The following DLC1 variants were observed in gnomAD, a reference collection of about 807,000 sequenced individuals.
The protein encoded by DLC1 is rho GTPase-activating protein 7.
DLC1 carries 54 observed loss-of-function variants against 140.3 expected under a neutral mutation model. The observed-to-expected ratio is 0.38, with a 90% CI of 0.31 to 0.48. The LOEUF (loss-of-function observed/expected upper bound fraction) is 0.48. DLC1 is among the 20% of genes least tolerant of loss of function. The pLI is 0.96. For synonymous variants in DLC1, 986 were observed against 728.1 expected (o/e 1.35, Z -5.70); for missense variants, 2,536 against 1,907.0 (o/e 1.33, Z -6.14).
At chr8:13,473,381 G>A (rs1215567496) in intron 2 of DLC1, among the ~76,000 whole-genome samples, 1 of 152,090 alleles carries the variant, frequency 6.6e-6, no homozygotes, top group South Asian at 2.1e-4. Flanking sequence ...TTTTAAAAAC[G>A]GGGGTTTCCC....
intron 4 of DLC1, among the ~76,000 whole-genome samples, chr8:13,307,953 C>A (rs1318551552): frequency 6.6e-6 from 1 of 152,134 alleles, no homozygotes; most frequent in East Asian, 1.9e-4. Flanking sequence ...ACTTAGAACA[C>A]AAAATACCTC....
intron 5 of DLC1, chr8:13,214,574 T>TTTTTTG: frequency 4.6e-6 from 3 of 647,506 alleles, no homozygotes; most frequent in Non-Finnish European, 8.4e-6. Flanking sequence ...TTTTTTTTTT[T>TTTTTTG]GTGGCTGCCC....
At chr8:13,431,512 A>G (rs1838867957) in intron 2 of DLC1, among the ~76,000 whole-genome samples, 1 of 136,032 alleles carries the variant, frequency 7.4e-6, no homozygotes, top group South Asian at 2.4e-4. Flanking sequence ...AAAAAAAAAA[A>G]AAAGAAAAGA....
chr8:13,512,140 C>G (rs924610584), intron 1 of DLC1, among the ~76,000 whole-genome samples: 2 of 151,948 alleles, frequency 1.3e-5, no homozygotes, highest in African/African-American at 4.8e-5. Flanking sequence ...ATTTCTCATT[C>G]CAATAATGTA....
chr8:13,088,598 A>T lies in DLC1; in HGVS notation c.4181T>A (p.Val1394Glu), dbSNP rs1258192114. The change falls in exon 16 of 18, where the codon GTA (valine) becomes GAA (glutamate). Residue 1394 changes from valine (V) to glutamate (E), a missense_variant. Physicochemically the swap from Val to Glu is moderately radical, Grantham distance 121. Coordinates refer to ENST00000276297, the MANE Select transcript of DLC1 (RefSeq NM_182643.3). Reference sequence around the variant, plus strand: ...GATCACTTTTGAATCCAACAGGTCTACATCCCAGAGGTGCTGTTCTTTAAG... The same window carrying T: ...GATCACTTTTGAATCCAACAGGTCTTCATCCCAGAGGTGCTGTTCTTTAAG... ...RLLKEQHLWD[V>E]DLLDSKVIEI... 6.2e-7 allele frequency: 1 copy of T among 1,614,190 alleles called. No homozygotes were observed. Among genetic ancestry groups the T allele is most frequent in the Non-Finnish European group, 8.5e-7 (1 of 1,180,050 alleles).
intron 2 of DLC1, among the ~76,000 whole-genome samples, chr8:13,464,746 TTATATATATATATATATATTTATATA>T (rs71207154): frequency 0.49 from 64,199 of 130,810 alleles, 15,326 homozygotes; most frequent in East Asian, 0.66. Flanking sequence ...GAATTTTAAA[TTATATATATATATATATATTTATATA>T]TATATATATA....
intron 5 of DLC1, among the ~76,000 whole-genome samples, chr8:13,197,559 G>T (rs911227675): frequency 1.8e-4 from 28 of 151,978 alleles, no homozygotes; most frequent in African/African-American, 6.5e-4. Context: ...CGTTAGCCAG[G>T]ATGGTCTCGA....
At chr8:13,105,798 G>A (rs1462305677) in intron 7 of DLC1, among the ~76,000 whole-genome samples, 2 of 151,870 alleles carry the variant, frequency 1.3e-5, no homozygotes, top group Admixed American at 6.6e-5. Context: ...GGCTGGTCTC[G>A]ACCTCCTGAG....
intron 5 of DLC1, among the ~76,000 whole-genome samples, chr8:13,166,351 T>G (rs1050335238): frequency 6.6e-6 from 1 of 152,194 alleles, no homozygotes; most frequent in Non-Finnish European, 1.5e-5. Flanking sequence ...ATTTATTTAT[T>G]TATTTTTTTA....
intron 2 of DLC1, among the ~76,000 whole-genome samples, chr8:13,487,258 G>T (rs1295793746): frequency 6.6e-6 from 1 of 152,116 alleles, no homozygotes; most frequent in Non-Finnish European, 1.5e-5. Context: ...AAAATGAATG[G>T]ACATCCATAA....
intron 5 of DLC1, among the ~76,000 whole-genome samples, chr8:13,221,729 T>C (rs961750705): frequency 5.1e-5 from 6 of 117,982 alleles, no homozygotes; most frequent in South Asian, 3.0e-4. Context: ...TGTGTGTGTA[T>C]ATATATATAT....
chr8:13,266,683 T>C (rs1203596126), intron 5 of DLC1, among the ~76,000 whole-genome samples: 1 of 152,066 alleles, frequency 6.6e-6, no homozygotes, highest in Non-Finnish European at 1.5e-5. Context: ...AGGCAGAAGT[T>C]GCTGTGAGCT....
At chr8:13,538,614 G>T (rs2117325010) in intron 1 of DLC1, among the ~76,000 whole-genome samples, 1 of 152,276 alleles carries the variant, frequency 6.6e-6, no homozygotes, top group South Asian at 2.1e-4. Flanking sequence ...GTATCAGTGG[G>T]TGTGGCTTCA....
intron 5 of DLC1, among the ~76,000 whole-genome samples, chr8:13,189,310 C>G (rs948634575): frequency 3.3e-5 from 5 of 152,224 alleles, no homozygotes; most frequent in African/African-American, 1.2e-4. Context: ...AAGTGGAACT[C>G]CAGCCAAGAA....
chr8:13,308,656 T>C (rs558183849), intron 4 of DLC1, among the ~76,000 whole-genome samples: 1 of 152,310 alleles, frequency 6.6e-6, no homozygotes, highest in East Asian at 1.9e-4. Flanking sequence ...TTCTTCTTTG[T>C]GGAATTCACA....
chr8:13,567,114 T>C lies in DLC1; in HGVS notation c.-126+37423A>G, dbSNP rs974385771. The C allele has an allele frequency of 6.4e-6, 10 of 1,551,610 alleles. No individual in the cohort carries two copies. In the Admixed American group the frequency reaches 1.6e-4, roughly 24 times the overall value. On this transcript the variant is annotated intron_variant, in intron 1 of 1. Transcript: ENST00000631382. ...AGACTTCCAGCTCATTCAGCTCCTCTGGAGGACGGCAGTCCTCGCCCCTGA... is the reference window on the plus strand; with the variant it reads ...AGACTTCCAGCTCATTCAGCTCCTCCGGAGGACGGCAGTCCTCGCCCCTGA...
chr8:13,580,912 G>A (rs1329348593), intron 1 of DLC1, among the ~76,000 whole-genome samples: 1 of 152,160 alleles, frequency 6.6e-6, no homozygotes, highest in Non-Finnish European at 1.5e-5. Flanking sequence ...GAGGATGGGT[G>A]AGGGCTCCCC....
Position 13,100,613 on chromosome 8 carries a change from C to T in DLC1, c.1724G>A (p.Gly575Asp), listed in dbSNP as rs773001160. 1.2e-6 allele frequency: 2 copies of T among 1,614,086 alleles called. No homozygotes were observed. The highest frequency in any genetic ancestry group is 1.7e-6 in the Non-Finnish European group (2 of 1,180,000). Residue 575 changes from glycine to aspartate, a missense_variant, in exon 9 of 18, where the codon GGC becomes GAC. Coordinates refer to ENST00000276297, the MANE Select transcript of DLC1 (RefSeq NM_182643.3). ...CATCAGCGTGCCTCCGGGGCTGGGG[C>T]CGTCCTTCGGGTGGGAGTCGTCTGG... ...GSPDDSHPKD[G>D]PSPGGTLMDL...
chr8:13,250,606 A>C (rs1364621514), intron 5 of DLC1, among the ~76,000 whole-genome samples: 1 of 152,254 alleles, frequency 6.6e-6, no homozygotes, highest in Non-Finnish European at 1.5e-5. Flanking sequence ...AAGACTGAAT[A>C]ACGATAAGGC....
Sources: gnomAD v4.1 joint callset for allele counts (sites outside exome capture counted in the v4.1 genomes callset) on GRCh38, gnomAD v4.1.1 for gene constraint, MANE v1.5 for transcripts, NCBI Gene and HGNC (gene_info 2026-07-23, HGNC 2026-07-21) for gene names.